C19orf12: variants seen among roughly 807,000 people sequenced by gnomAD.
C19orf12 encodes chromosome 19 open reading frame 12, also known as protein C19orf12.
Under a neutral mutation model 3.8 loss-of-function variants are expected in C19orf12, and 2 were observed. That is an observed-to-expected ratio of 0.53 (90% CI 0.22 to 1.66). C19orf12 has a LOEUF of 1.66. Ranked by LOEUF, C19orf12 falls within the 40% of genes most tolerant of loss-of-function variation. The pLI is 0.20. For synonymous variants in C19orf12, 89 were observed against 84.6 expected (o/e 1.05, Z -0.28); for missense variants, 156 against 188.8 (o/e 0.83, Z 1.02).
At chr19:29,703,948 C>T (rs1447434499) in intron 2 of C19orf12, among the ~76,000 whole-genome samples, 1 of 151,860 alleles carries the variant, frequency 6.6e-6, no homozygotes, top group Non-Finnish European at 1.5e-5. Flanking sequence ...CGAGATCATA[C>T]CCTTGCACTC....
intron 1 of C19orf12, among the ~76,000 whole-genome samples, chr19:29,713,702 G>A (rs942157323): frequency 6.6e-6 from 1 of 152,094 alleles, no homozygotes; most frequent in African/African-American, 2.4e-5. Flanking sequence ...TAAAAATCAG[G>A]AGATTTTGCA....
rs769549465 is a variant in C19orf12 at position 29,702,705 on chromosome 19, G to A, written c.*7C>T. ...AAAGGGGCCCCCCACCTCCCCGGAGGTGCGGCCTAGTCATCATACTGGATC... is the reference window on the plus strand; with the variant it reads ...AAAGGGGCCCCCCACCTCCCCGGAGATGCGGCCTAGTCATCATACTGGATC... On this transcript the variant is annotated 3_prime_UTR_variant, in exon 3 of 3. Transcript: ENST00000323670. The A allele has an allele frequency of 6.2e-7, 1 of 1,613,284 alleles. No homozygotes were observed. The highest frequency in any genetic ancestry group is 1.1e-5 in the South Asian group (1 of 91,048).
chr19:29,699,778 G>A lies in C19orf12; in HGVS notation c.*2934C>T, dbSNP rs192111358. 1.5e-5 allele frequency: 7 copies of A among 453,774 alleles called. No individual in the cohort carries two copies. In the East Asian group the frequency reaches 2.1e-4, roughly 14 times the overall value. 28.1% of individuals were successfully genotyped at this position (453,774 alleles called of 1,614,324 possible). A position where few individuals can be genotyped will look rare whatever the true frequency, so the allele number is the denominator to read the frequency against. ...GAGCAGGCCTTCCCTTGCAGCTTGC[G>A]CCCTCCCGTACCTTTTAAATTTTGT... On this transcript the variant is annotated 3_prime_UTR_variant, in exon 3 of 3. Transcript: ENST00000323670.
rs955386974 is a variant in C19orf12, at chr19:29,715,169, G to A, written c.-55C>T. On this transcript the variant is annotated 5_prime_UTR_variant, in exon 1 of 3. Transcript: ENST00000323670. ...CGCGGCGCGCTCGGCGATCAGACGCGGCTGCAGCCCGGGCCTGGCAGGCCC... is the reference window on the plus strand; with the variant it reads ...CGCGGCGCGCTCGGCGATCAGACGCAGCTGCAGCCCGGGCCTGGCAGGCCC... 3 of 544,246 alleles carry A rather than the reference G, an allele frequency of 5.5e-6. No individual in the cohort carries two copies. The highest frequency in any genetic ancestry group is 6.6e-6 in the Non-Finnish European group (2 of 303,686). 33.7% of individuals were successfully genotyped at this position (544,246 alleles called of 1,614,324 possible). A position where few individuals can be genotyped will look rare whatever the true frequency, so the allele number is the denominator to read the frequency against.
chr19:29,699,461 C>A lies in C19orf12; in HGVS notation c.*3251G>T, dbSNP rs956492343. On this transcript the variant is annotated 3_prime_UTR_variant, in exon 3 of 3. Transcript: ENST00000323670. ...TCGCGCTACTGCACTCCAGCCCGGG[C>A]GACAGTGCGAGACTCCATCTCAAAA... 6 of 408,818 alleles carry A rather than the reference C, an allele frequency of 1.5e-5. No individual in the cohort carries two copies. The highest frequency in any genetic ancestry group is 7.2e-5 in the East Asian group (1 of 13,858). The allele number at this position is 408,818 out of a possible 1,614,324, so 25.3% of individuals were successfully genotyped here.
chr19:29,715,344 C>G, upstream of C19orf12: 1 of 390,852 alleles, frequency 2.6e-6, no homozygotes, highest in Non-Finnish European at 5.1e-6. Context: ...CTCCGAGCTG[C>G]GCCCGGCCTT....
At chr19:29,710,273 A>G (rs772722663) in intron 1 of C19orf12, among the ~76,000 whole-genome samples, 5 of 152,192 alleles carry the variant, frequency 3.3e-5, no homozygotes, top group Non-Finnish European at 7.3e-5. Context: ...GAACAAACCC[A>G]TGAATCCATG....
chr19:29,708,136 C>T, intron 2 of C19orf12, 118 bp downstream of exon 2: 1 of 1,465,306 alleles, frequency 6.8e-7, no homozygotes. Context: ...GCCTCGGCCT[C>T]CCAAAGTGCT....
chr19:29,703,109 G>A (rs539775813), intron 2 of C19orf12, 132 bp from the exon 3 acceptor site: 23 of 1,210,666 alleles, frequency 1.9e-5, no homozygotes, highest in Admixed American at 7.7e-5. Context: ...GGGCTCAGCC[G>A]GTGCCACGCC....
rs1006720570 is a variant in C19orf12, at chr19:29,701,693, T to G, written c.*1019A>C. The G allele has an allele frequency of 7.8e-5, 34 of 436,342 alleles. No individual in the cohort carries two copies. In the Admixed American group the frequency reaches 8.2e-4, roughly 10 times the overall value. 27.0% of individuals were successfully genotyped at this position (436,342 alleles called of 1,614,324 possible). ...TCTACTATGCTTTGTGAATACTGTG[T>G]TTTTTTTTTAAATTGAAGGTTTGTA... On this transcript the variant is annotated 3_prime_UTR_variant, in exon 3 of 3. Coordinates refer to ENST00000323670, the MANE Select transcript of C19orf12 (RefSeq NM_031448.6).
At chr19:29,704,962 A>G (rs1273466566) in intron 2 of C19orf12, among the ~76,000 whole-genome samples, 1 of 152,056 alleles carries the variant, frequency 6.6e-6, no homozygotes, top group Non-Finnish European at 1.5e-5. Context: ...AAAACATCTC[A>G]CGATTTTTAA....
intron 2 of C19orf12, 93 bp from the exon 3 acceptor site, chr19:29,703,070 A>T: frequency 3.2e-6 from 5 of 1,554,206 alleles, no homozygotes; most frequent in Non-Finnish European, 4.4e-6. Context: ...CATCACCATG[A>T]GCAGGCACAT....
At chr19:29,704,955 A>G (rs1183718571) in intron 2 of C19orf12, among the ~76,000 whole-genome samples, 2 of 152,212 alleles carry the variant, frequency 1.3e-5, no homozygotes, top group African/African-American at 4.8e-5. Context: ...TAGCTTTAAA[A>G]CATCTCACGA....
rs778153639 is a variant in C19orf12, at chr19:29,702,686, G to GC, written c.*25dup. The GC allele has an allele frequency of 7.4e-6, 12 of 1,611,952 alleles. No individual in the cohort carries two copies. The Admixed American group carries it at 1.5e-4, about 20-fold the overall frequency. Reference sequence around the variant, plus strand: ...CAGAATCACAGAGTCATTTAAAGGGGCCCCCCACCTCCCCGGAGGTGCGGC... The same window carrying GC: ...CAGAATCACAGAGTCATTTAAAGGGGCCCCCCCACCTCCCCGGAGGTGCGGC... On this transcript the variant is annotated 3_prime_UTR_variant, in exon 3 of 3. Coordinates refer to ENST00000323670, the MANE Select transcript of C19orf12 (RefSeq NM_031448.6).
At position 29,700,053 on chromosome 19, in the gene C19orf12, C is replaced by A; in HGVS notation, c.*2659G>T. ...ACTCAGCAAGGCCTGCTCCATCGGA[C>A]ACAAAACTGATCAGGAGTTGGACCA... On this transcript the variant is annotated 3_prime_UTR_variant, in exon 3 of 3. Transcript: ENST00000323670. 2.2e-6 allele frequency: 1 copy of A among 454,044 alleles called. No homozygotes were observed. Among genetic ancestry groups the A allele is most frequent in the Non-Finnish European group, 4.4e-6 (1 of 226,792 alleles). 28.1% of individuals were successfully genotyped at this position (454,044 alleles called of 1,614,324 possible).
intron 2 of C19orf12, 148 bp from the exon 3 acceptor site, chr19:29,703,125 C>T (rs1243788230): frequency 5.8e-6 from 6 of 1,037,864 alleles, no homozygotes; most frequent in East Asian, 5.1e-5. Flanking sequence ...ACGCCTGCTC[C>T]GCCAGCCAGT....
intron 1 of C19orf12, among the ~76,000 whole-genome samples, chr19:29,711,329 T>C (rs1303108663): frequency 2.0e-5 from 3 of 152,120 alleles, no homozygotes; most frequent in Non-Finnish European, 2.9e-5. Flanking sequence ...CGTGAGCCAC[T>C]ACGTCCAGCA....
intron 1 of C19orf12, among the ~76,000 whole-genome samples, chr19:29,711,777 CA>C (rs758503078): frequency 5.9e-5 from 9 of 152,020 alleles, no homozygotes; most frequent in Middle Eastern, 3.4e-3. Context: ...CTTCCCCCCC[CA>C]AAAAAAACCT....
rs1408367155 is a variant in C19orf12, at chr19:29,699,653, G to A, written c.*3059C>T. 2 of 453,700 alleles carry A rather than the reference G, an allele frequency of 4.4e-6. No individual in the cohort carries two copies. The highest frequency in any genetic ancestry group is 6.9e-5 in the East Asian group (1 of 14,404). 28.1% of individuals were successfully genotyped at this position (453,700 alleles called of 1,614,324 possible). A position where few individuals can be genotyped will look rare whatever the true frequency, so the allele number is the denominator to read the frequency against. On this transcript the variant is annotated 3_prime_UTR_variant, in exon 3 of 3. Coordinates refer to ENST00000323670, the MANE Select transcript of C19orf12 (RefSeq NM_031448.6). ...TTCTAGGTTTTCAGCAACAAATACT[G>A]ACAAAAGGAAATGAACAGTTTTCAG...
Sources: allele counts gnomAD v4.1 joint callset (sites outside exome capture counted in the v4.1 genomes callset), GRCh38; gene constraint gnomAD v4.1.1; transcripts MANE v1.5; gene names NCBI Gene and HGNC (gene_info 2026-07-23, HGNC 2026-07-21).